The following FGF14 variants were observed in gnomAD, a reference collection of about 807,000 sequenced individuals.
The protein encoded by FGF14 is fibroblast growth factor homologous factor 4.
Under a neutral mutation model 25.5 loss-of-function variants are expected in FGF14, and 5 were observed. The observed-to-expected ratio is 0.20, with a 90% CI of 0.10 to 0.41. The LOEUF (loss-of-function observed/expected upper bound fraction) is 0.41, where lower values mean the gene tolerates loss of function less well. Among genes scored for constraint, FGF14 ranks in the 10% least tolerant of loss-of-function variants. The probability of loss-of-function intolerance (pLI) is 1.00; values close to 1 mark genes in which losing one functional copy is unlikely to be tolerated. For synonymous variants in FGF14, 138 were observed against 118.3 expected, an observed-to-expected ratio of 1.17 and a Z score of -1.08; for missense variants, 222 against 320.1, an observed-to-expected ratio of 0.69 and a Z score of 2.34.
At chr13:102,043,500 T>C (rs112774745) in intron 1 of FGF14, among the ~76,000 whole-genome samples, 94 of 152,232 alleles carry the variant, frequency 6.2e-4, no homozygotes, top group African/African-American at 2.1e-3. Context: ...GGCAAGTACT[T>C]GACAGTGGAT....
chr13:101,828,128 CAT>C, intron 3 of FGF14, among the ~76,000 whole-genome samples: 1 of 151,978 alleles, frequency 6.6e-6, no homozygotes, highest in Non-Finnish European at 1.5e-5. Flanking sequence ...ACATATATCA[CAT>C]ACAGATATTG....
Position 101,714,876 on chromosome 13 carries a change from T to G in FGF14, c.*7955A>C. ...AATTTTGTTGGCAACCATTTTACTT[T>G]GAACATGGTATAGGGAATGAAATAT... On this transcript the variant is annotated 3_prime_UTR_variant, in exon 5 of 5. Transcript: ENST00000376143. 1 of 300,632 alleles carries G rather than the reference T, an allele frequency of 3.3e-6. No homozygotes were observed. The highest frequency in any genetic ancestry group is 6.2e-6 in the Non-Finnish European group (1 of 160,942). The allele number at this position is 300,632 out of a possible 1,614,324, so 18.6% of individuals were successfully genotyped here.
intron 1 of FGF14, among the ~76,000 whole-genome samples, chr13:102,221,635 C>A (rs1053669065): frequency 7.9e-5 from 12 of 151,812 alleles, no homozygotes; most frequent in Non-Finnish European, 1.3e-4. Flanking sequence ...CACACACACA[C>A]ACACACACAC....
chr13:101,828,007 T>C lies in FGF14; in HGVS notation c.408+40718A>G, dbSNP rs548794112. 1.3e-3 allele frequency among the ~76,000 whole-genome samples: 201 copies of C among 151,880 alleles called. 1 individual carries two copies. Among genetic ancestry groups the C allele is most frequent in the Middle Eastern group, 3.4e-3 (1 of 292 alleles). The stretch of plus-strand genomic sequence containing the variant: ...TGTCAGGATATAAATTTCAAAATCA[T>C]GTCTGAATTATTATGAAATCTACTA... On this transcript the variant is annotated intron_variant, in intron 3 of 4. Coordinates refer to ENST00000376143, the MANE Select transcript of FGF14 (RefSeq NM_004115.4).
At chr13:102,268,238 T>A (rs1037851500) in intron 1 of FGF14, among the ~76,000 whole-genome samples, 1 of 152,132 alleles carries the variant, frequency 6.6e-6, no homozygotes, top group Non-Finnish European at 1.5e-5. Context: ...ACACTCGGTG[T>A]CATTGACTAA....
At chr13:101,908,653 T>A (rs2139051376) in intron 1 of FGF14, among the ~76,000 whole-genome samples, 1 of 152,216 alleles carries the variant, frequency 6.6e-6, no homozygotes, top group South Asian at 2.1e-4. Context: ...ATCATGAAAA[T>A]GGCCATACTG....
intron 1 of FGF14, among the ~76,000 whole-genome samples, chr13:102,347,502 G>A (rs1266383155): frequency 6.6e-6 from 1 of 152,190 alleles, no homozygotes. Context: ...AGGGGGCTGA[G>A]TTTGTAAAGG....
chr13:102,344,640 T>C (rs933037191), intron 1 of FGF14, among the ~76,000 whole-genome samples: 1 of 152,178 alleles, frequency 6.6e-6, no homozygotes, highest in African/African-American at 2.4e-5. Context: ...TCTCTGGATG[T>C]ACAAAGGATC....
intron 1 of FGF14, among the ~76,000 whole-genome samples, chr13:101,879,580 C>A (rs112052794): frequency 0.028 from 4,255 of 152,202 alleles, 79 homozygotes; most frequent in Non-Finnish European, 0.044. Context: ...AAATGGTGTA[C>A]TTATTTTAAA....
At chr13:102,025,020 T>A (rs554958415) in intron 1 of FGF14, among the ~76,000 whole-genome samples, 3 of 149,894 alleles carry the variant, frequency 2.0e-5, no homozygotes, top group African/African-American at 5.0e-5. Context: ...GACATGCATA[T>A]ATATATATTC....
In FGF14 at chr13:102,318,877, G is replaced by A. The variant is rs929213949; in HGVS notation, c.208+82594C>T. The stretch of plus-strand genomic sequence containing the variant: ...TGAGACAGGGTTTGGCACACAGTAG[G>A]TTGGTACTCAATACACATGTGAGTT... On this transcript the variant is annotated intron_variant, in intron 1 of 4. Coordinates refer to the FGF14 transcript ENST00000376131. Among the ~76,000 whole-genome samples the A allele has an allele frequency of 1.4e-4, 22 of 152,282 alleles. 1 individual carries two copies. The highest frequency in any genetic ancestry group is 3.9e-4 in the Admixed American group (6 of 15,298).
chr13:101,981,124 C>CACACACACACACACACACACACACAT (rs1566528332), intron 1 of FGF14, among the ~76,000 whole-genome samples: 1 of 147,994 alleles, frequency 6.8e-6, no homozygotes, highest in African/African-American at 2.6e-5. Context: ...CACACACACA[C>CACACACACACACACACACACACACAT]ACACAATTAG....
intron 3 of FGF14, among the ~76,000 whole-genome samples, chr13:101,784,653 T>G (rs985429774): frequency 6.6e-6 from 1 of 152,224 alleles, no homozygotes; most frequent in African/African-American, 2.4e-5. Flanking sequence ...ATGAATATAA[T>G]CTTCCCATTT....
chr13:102,291,574 T>C (rs1205944254), intron 1 of FGF14, among the ~76,000 whole-genome samples: 1 of 152,094 alleles, frequency 6.6e-6, no homozygotes, highest in Non-Finnish European at 1.5e-5. Context: ...ATAAATAACA[T>C]TTTTTAGAAC....
At chr13:101,773,980 A>G (rs1055508128) in intron 3 of FGF14, among the ~76,000 whole-genome samples, 1 of 151,396 alleles carries the variant, frequency 6.6e-6, no homozygotes, top group African/African-American at 2.4e-5. Flanking sequence ...TGTTAAATCA[A>G]TTATTAAGGT....
chr13:102,373,487 C>T (rs1215623608), intron 1 of FGF14: 1 of 152,042 alleles, frequency 6.6e-6, no homozygotes, highest in Non-Finnish European at 1.5e-5. Flanking sequence ...CTGAGTCATA[C>T]CAAATAACTT....
Position 102,262,127 on chromosome 13 carries a change from C to T in FGF14, c.208+139344G>A, listed in dbSNP as rs146064866. On this transcript the variant is annotated intron_variant, in intron 1 of 4. Transcript: ENST00000376131. ...TTTAGTATCACACTATTGGGAAAAC[C>T]TTTTTTTCATGGATACAGCAAGAAA... 6.6e-5 allele frequency among the ~76,000 whole-genome samples: 10 copies of T among 152,196 alleles called. No individual in the cohort carries two copies. The East Asian group carries it at 1.7e-3, about 26-fold the overall frequency.
At chr13:102,384,042 T>C (rs1200178841) in intron 1 of FGF14, among the ~76,000 whole-genome samples, 3 of 152,216 alleles carry the variant, frequency 2.0e-5, no homozygotes, top group Non-Finnish European at 4.4e-5. Context: ...AACTTGTTAA[T>C]AATAAAAAAG....
At chr13:101,964,665 ATAAT>A (rs1461247148) in intron 1 of FGF14, among the ~76,000 whole-genome samples, 3 of 152,222 alleles carry the variant, frequency 2.0e-5, no homozygotes, top group South Asian at 2.1e-4. Context: ...AATAATAAAA[ATAAT>A]TACTCTTTAG....
Sources: gnomAD v4.1 joint callset for allele counts (sites outside exome capture counted in the v4.1 genomes callset) on GRCh38, gnomAD v4.1.1 for gene constraint, MANE v1.5 for transcripts, NCBI Gene and HGNC (gene_info 2026-07-23, HGNC 2026-07-21) for gene names.